CCDC191: variants seen among roughly 807,000 people sequenced by gnomAD.
The protein encoded by CCDC191 is coiled-coil domain containing 191.
A neutral mutation model predicts 114.0 loss-of-function variants in CCDC191; 99 were observed. The ratio of observed to expected loss-of-function variants is 0.87; its 90% CI spans 0.74 to 1.03. The LOEUF is 1.03. CCDC191 is among the 50% of genes least tolerant of loss of function. CCDC191 has a pLI of 0.00. For synonymous variants in CCDC191, 351 were observed against 376.0 expected (o/e 0.93, Z 0.77); for missense variants, 973 against 1,087.0 (o/e 0.90, Z 1.47).
At chr3:114,004,892 T>C (rs1309367114) in intron 10 of CCDC191, 146 bp from the exon 11 acceptor site, 2 of 846,296 alleles carry the variant, frequency 2.4e-6, no homozygotes, top group Non-Finnish European at 3.5e-6. Flanking sequence ...TCCATAAATA[T>C]GTGTAATGAG....
intron 16 of CCDC191, among the ~76,000 whole-genome samples, chr3:113,968,534 C>T (rs767533597): frequency 2.0e-5 from 3 of 151,654 alleles, no homozygotes; most frequent in Non-Finnish European, 2.9e-5. Flanking sequence ...CTTCTACCTT[C>T]ACCTCCTGGA....
chr3:113,998,500 C>T (rs1467893489), intron 13 of CCDC191, among the ~76,000 whole-genome samples: 3 of 151,986 alleles, frequency 2.0e-5, no homozygotes, highest in Non-Finnish European at 4.4e-5. Flanking sequence ...CTCCTGAGAT[C>T]GCCCAATGGG....
intron 10 of CCDC191, among the ~76,000 whole-genome samples, chr3:114,005,246 T>C (rs995936816): frequency 1.3e-5 from 2 of 152,164 alleles, no homozygotes; most frequent in Non-Finnish European, 2.9e-5. Flanking sequence ...AGACAGCATT[T>C]TTCTCTTTAA....
intron 7 of CCDC191, among the ~76,000 whole-genome samples, chr3:114,026,432 T>C (rs2076321582): frequency 2.0e-5 from 3 of 152,264 alleles, no homozygotes; most frequent in African/African-American, 7.2e-5. Context: ...GAGAGTTATA[T>C]GAATCCCAGT....
chr3:113,984,730 ATCT>A (rs1482004114), intron 13 of CCDC191: 4 of 152,242 alleles, frequency 2.6e-5, no homozygotes, highest in African/African-American at 7.2e-5. Context: ...ATGTGACAAA[ATCT>A]TCTTATCTAT....
In CCDC191 at chr3:114,005,807, C is replaced by G; in HGVS notation, c.1569G>C (p.Leu523=). ...SAPGNKQHKT[L]GAEPSQQPGS... is the part of the protein sequence containing the mutation. ...CAGGCTGTTGAGAGGGTTCAGCACC[C>G]AGGGTCTTGTGCTGCTTATTGCCAG... The change falls in exon 10 of 17, where the codon CTG becomes CTC. Residue 523 remains leucine (L), a synonymous_variant. Transcript: ENST00000295878. 6.2e-7 allele frequency: 1 copy of G among 1,614,024 alleles called. No individual in the cohort carries two copies. Among genetic ancestry groups the G allele is most frequent in the Non-Finnish European group, 8.5e-7 (1 of 1,179,986 alleles).
At chr3:114,056,304 G>T in intron 1 of CCDC191, 73 bp downstream of exon 1, 2 of 1,448,728 alleles carry the variant, frequency 1.4e-6, no homozygotes, top group Non-Finnish European at 1.9e-6. Context: ...GCACAGACGG[G>T]CCGCGACTGG....
At chr3:114,010,346 ATCT>A (rs1484058077) in intron 9 of CCDC191, among the ~76,000 whole-genome samples, 1 of 152,176 alleles carries the variant, frequency 6.6e-6, no homozygotes, top group Non-Finnish European at 1.5e-5. Context: ...TTTCTCTGTG[ATCT>A]TCTATCAAAT....
chr3:114,035,127 G>A lies in CCDC191; in HGVS notation c.616C>T (p.Arg206Cys), dbSNP rs779640915. The A allele has an allele frequency of 1.8e-5, 29 of 1,612,626 alleles. No individual in the cohort carries two copies. The highest frequency in any genetic ancestry group is 5.5e-5 in the South Asian group (5 of 90,788). ...CTCTGGTACTCCAGTTCTTTCTCAC[G>A]TCTTAAGCGATTTTCTTTTACCTTA... ...HKQVKENRLR[R>C]EKELEYQRIE... The change falls in exon 6 of 17, where the codon CGT becomes TGT. Residue 206 changes from arginine to cysteine, a missense_variant. Arg to Cys is a radical substitution (Grantham distance 180). Transcript: ENST00000295878.
In CCDC191 at chr3:114,046,719, G is replaced by T. The variant is rs887600616; in HGVS notation, c.143C>A (p.Ala48Asp). ...TGCATTTGACACTGCAAACTCTGAGGCTTTCTCCACTCTCTTCAATATAAC... is the reference window on the plus strand; with the variant it reads ...TGCATTTGACACTGCAAACTCTGAGTCTTTCTCCACTCTCTTCAATATAAC... ...VEHWIKRVEK[A>D]SEFAVSNAFF... Residue 48 changes from alanine to aspartate, a missense_variant, in exon 3 of 17, where the codon GCC (alanine) becomes GAC (aspartate). Ala to Asp is a moderately radical substitution (Grantham distance 126, BLOSUM62 -2). Coordinates refer to ENST00000295878, the MANE Select transcript of CCDC191 (RefSeq NM_020817.2). 1.9e-6 allele frequency: 3 copies of T among 1,611,074 alleles called. No individual in the cohort carries two copies. The Admixed American group carries it at 5.0e-5, about 27-fold the overall frequency.
intron 13 of CCDC191, among the ~76,000 whole-genome samples, chr3:113,998,502 C>T (rs1171335541): frequency 6.6e-6 from 1 of 152,062 alleles, no homozygotes; most frequent in Non-Finnish European, 1.5e-5. Flanking sequence ...CCTGAGATCG[C>T]CCAATGGGCT....
chr3:114,046,801 C>T (rs1332329051), intron 2 of CCDC191, 69 bp from the exon 3 acceptor site: 2 of 1,492,742 alleles, frequency 1.3e-6, no homozygotes, highest in Non-Finnish European at 1.8e-6. Context: ...AATTTCTCTC[C>T]TACTCAAGAA....
chr3:113,984,968 C>T (rs1275052001), intron 13 of CCDC191, among the ~76,000 whole-genome samples: 1 of 152,064 alleles, frequency 6.6e-6, no homozygotes, highest in Non-Finnish European at 1.5e-5. Flanking sequence ...TTCAGGGAGG[C>T]ACAGGACCTA....
intron 3 of CCDC191, among the ~76,000 whole-genome samples, chr3:114,044,071 A>G (rs2076598502): frequency 6.6e-6 from 1 of 152,122 alleles, no homozygotes; most frequent in African/African-American, 2.4e-5. Flanking sequence ...GGTATTGGCT[A>G]CAATACTCTG....
In CCDC191 at chr3:113,965,144, A is replaced by G; in HGVS notation, c.*11T>C. 3 of 1,567,238 alleles carry G rather than the reference A, an allele frequency of 1.9e-6. No homozygotes were observed. In the South Asian group the frequency reaches 3.6e-5, roughly 19 times the overall value. On this transcript the variant is annotated 3_prime_UTR_variant, in exon 17 of 17. Transcript: ENST00000295878. ...TCGAGCTTCCTGTCCTAAATATTAC[A>G]CTAATCTGGCTCATTCGTTCACCAG...
intron 13 of CCDC191, among the ~76,000 whole-genome samples, chr3:113,981,476 A>G (rs1327481501): frequency 2.0e-5 from 3 of 152,202 alleles, no homozygotes; most frequent in Admixed American, 2.0e-4. Flanking sequence ...AGCTTATTGT[A>G]AAGGTGAGAG....
intron 9 of CCDC191, among the ~76,000 whole-genome samples, chr3:114,007,346 T>C (rs2075988362): frequency 6.6e-6 from 1 of 152,182 alleles, no homozygotes; most frequent in South Asian, 2.1e-4. Flanking sequence ...CCTTAGGGAC[T>C]CAAAAATATT....
At chr3:113,979,039 A>G (rs1347046594) in intron 14 of CCDC191, 29 bp from the exon 15 acceptor site, 1 of 1,596,044 alleles carries the variant, frequency 6.3e-7, no homozygotes, top group South Asian at 1.1e-5. Context: ...GAGAAATATT[A>G]TTCCTTAAAT....
At chr3:114,048,464 T>G (rs2076659449) in intron 2 of CCDC191, among the ~76,000 whole-genome samples, 3 of 152,210 alleles carry the variant, frequency 2.0e-5, no homozygotes, top group Admixed American at 2.0e-4. Flanking sequence ...CTCGCTAATC[T>G]TCCCTTTGCT....
Sources: allele counts gnomAD v4.1 joint callset (sites outside exome capture counted in the v4.1 genomes callset), GRCh38; gene constraint gnomAD v4.1.1; transcripts MANE v1.5; gene names NCBI Gene and HGNC (gene_info 2026-07-23, HGNC 2026-07-21).